UNC5C: variants seen among roughly 807,000 people sequenced by gnomAD.
UNC5C encodes unc-5 netrin receptor C, also known as netrin receptor UNC5C.
In UNC5C, 47 loss-of-function variants were observed where a neutral mutation model predicts 99.8. The observed-to-expected ratio is 0.47, with a 90% CI of 0.37 to 0.60. The LOEUF (loss-of-function observed/expected upper bound fraction) is 0.60, where lower values mean the gene tolerates loss of function less well. Ranked by LOEUF, UNC5C falls within the 20% of genes least tolerant of loss-of-function variation. The pLI is 0.00. For missense variants in UNC5C, 1,062 were observed against 1,165.9 expected (o/e 0.91, Z 1.30); for synonymous variants, 487 against 452.2 (o/e 1.08, Z -0.98).
At chr4:95,335,374 T>C in intron 2 of UNC5C, 36 bp downstream of exon 2, 2 of 1,561,784 alleles carry the variant, frequency 1.3e-6, no homozygotes, top group South Asian at 1.1e-5. Context: ...AGTAAGTGAA[T>C]CTTGAAGTGC....
At chr4:95,493,094 G>C (rs1274281827) in intron 1 of UNC5C, among the ~76,000 whole-genome samples, 1 of 151,150 alleles carries the variant, frequency 6.6e-6, no homozygotes, top group Non-Finnish European at 1.5e-5. Flanking sequence ...CAGCTTTAAC[G>C]GTAACCAACA....
chr4:95,391,851 T>G (rs1205907587), intron 1 of UNC5C, among the ~76,000 whole-genome samples: 3 of 148,790 alleles, frequency 2.0e-5, no homozygotes, highest in Non-Finnish European at 3.0e-5. Context: ...CTGAGAGAGG[T>G]GGATCACTTG....
chr4:95,461,951 A>G (rs1356593609), intron 1 of UNC5C, among the ~76,000 whole-genome samples: 1 of 152,160 alleles, frequency 6.6e-6, no homozygotes, highest in East Asian at 1.9e-4. Context: ...TCTTGTGGTT[A>G]TATGATTGGC....
chr4:95,440,691 G>A (rs1746925436), intron 1 of UNC5C, among the ~76,000 whole-genome samples: 1 of 151,736 alleles, frequency 6.6e-6, no homozygotes, highest in South Asian at 2.1e-4. Flanking sequence ...GAAAAAAAAA[G>A]CAGTAAGTCC....
At chr4:95,300,952 G>C (rs1741845502) in intron 3 of UNC5C, among the ~76,000 whole-genome samples, 1 of 152,178 alleles carries the variant, frequency 6.6e-6, no homozygotes, top group East Asian at 1.9e-4. Flanking sequence ...GAGTATAACT[G>C]AATTGTTTGT....
At chr4:95,428,577 CAGTT>C (rs1028510765) in intron 1 of UNC5C, among the ~76,000 whole-genome samples, 11 of 152,204 alleles carry the variant, frequency 7.2e-5, no homozygotes, top group East Asian at 1.9e-4. Flanking sequence ...TTCCCATAAA[CAGTT>C]AGTTTCACTG....
Position 95,169,210 on chromosome 4 carries a change from T to C in UNC5C, c.*24A>G. 6.2e-7 allele frequency: 1 copy of C among 1,612,046 alleles called. No individual in the cohort carries two copies. The highest frequency in any genetic ancestry group is 1.3e-5 in the African/African-American group (1 of 75,026). Reference sequence around the variant, plus strand: ...CAGACTCCCTGTGCATTTTTGTCCTTCATTTCCCCTTCCAGCATGGTGGTT... The same window carrying C: ...CAGACTCCCTGTGCATTTTTGTCCTCCATTTCCCCTTCCAGCATGGTGGTT... On this transcript the variant is annotated 3_prime_UTR_variant, in exon 16 of 16. Coordinates refer to ENST00000453304, the MANE Select transcript of UNC5C (RefSeq NM_003728.4).
intron 1 of UNC5C, among the ~76,000 whole-genome samples, chr4:95,485,537 A>G (rs1721301378): frequency 6.6e-6 from 1 of 151,778 alleles, no homozygotes; most frequent in Admixed American, 6.6e-5. Flanking sequence ...TGTGGCACCA[A>G]AGGAAACTAA....
At chr4:95,264,801 T>C (rs1323631962) in intron 4 of UNC5C, among the ~76,000 whole-genome samples, 1 of 152,158 alleles carries the variant, frequency 6.6e-6, no homozygotes, top group Non-Finnish European at 1.5e-5. Flanking sequence ...CATCTTCTCT[T>C]CTCTATGGCA....
chr4:95,376,967 G>C (rs767570653), intron 1 of UNC5C, among the ~76,000 whole-genome samples: 1 of 152,108 alleles, frequency 6.6e-6, no homozygotes, highest in Non-Finnish European at 1.5e-5. Context: ...TTAAGCCAGC[G>C]AAGTGCTAAT....
chr4:95,482,750 A>G (rs1337259901), intron 1 of UNC5C, among the ~76,000 whole-genome samples: 3 of 122,876 alleles, frequency 2.4e-5, no homozygotes, highest in Non-Finnish European at 5.2e-5. Context: ...TCAGTAAACT[A>G]TCGCAAGGAC....
chr4:95,315,438 A>T (rs541817907), intron 2 of UNC5C, among the ~76,000 whole-genome samples: 3 of 152,370 alleles, frequency 2.0e-5, no homozygotes, highest in South Asian at 4.1e-4. Flanking sequence ...AAGAAAAAAA[A>T]GAAAAATGAT....
chr4:95,398,817 T>C (rs1010942721), intron 1 of UNC5C, among the ~76,000 whole-genome samples: 3 of 152,186 alleles, frequency 2.0e-5, no homozygotes, highest in Non-Finnish European at 4.4e-5. Flanking sequence ...TTCAACAGTG[T>C]GTCCTTTTTC....
intron 1 of UNC5C, among the ~76,000 whole-genome samples, chr4:95,352,911 A>G (rs143759784): frequency 6.6e-6 from 1 of 152,234 alleles, no homozygotes; most frequent in East Asian, 1.9e-4. Context: ...GCATTCCCAA[A>G]TGAATGTGGA....
At chr4:95,283,105 A>G (rs960691512) in intron 3 of UNC5C, among the ~76,000 whole-genome samples, 2 of 152,200 alleles carry the variant, frequency 1.3e-5, no homozygotes, top group Non-Finnish European at 2.9e-5. Flanking sequence ...TAGTAGCACC[A>G]TTAACGGGCA....
intron 12 of UNC5C, among the ~76,000 whole-genome samples, chr4:95,196,792 A>T (rs1191282969): frequency 1.0e-4 from 2 of 19,582 alleles, no homozygotes; most frequent in East Asian, 9.0e-4. Flanking sequence ...TAATATATAT[A>T]TTATATTTAT....
At chr4:95,415,600 G>A (rs963849104) in intron 1 of UNC5C, among the ~76,000 whole-genome samples, 3 of 152,088 alleles carry the variant, frequency 2.0e-5, no homozygotes, top group African/African-American at 7.2e-5. Flanking sequence ...CTATTCATAA[G>A]GTCAACTGTC....
intron 1 of UNC5C, among the ~76,000 whole-genome samples, chr4:95,375,394 A>C (rs1301737695): frequency 1.3e-5 from 2 of 152,174 alleles, no homozygotes; most frequent in Non-Finnish European, 2.9e-5. Context: ...AAAAAATGAC[A>C]ATGGATTATT....
At chr4:95,239,295 G>A (rs1739241335) in intron 7 of UNC5C, among the ~76,000 whole-genome samples, 1 of 152,232 alleles carries the variant, frequency 6.6e-6, no homozygotes, top group East Asian at 1.9e-4. Flanking sequence ...TGAGGTTATG[G>A]TTTTACTATG....
Sources: gnomAD v4.1 joint callset for allele counts (sites outside exome capture counted in the v4.1 genomes callset) on GRCh38, gnomAD v4.1.1 for gene constraint, MANE v1.5 for transcripts, NCBI Gene and HGNC (gene_info 2026-07-23, HGNC 2026-07-21) for gene names.